KLHL2: variants seen among roughly 807,000 people sequenced by gnomAD.
KLHL2 encodes the protein kelch-like protein 2.
Under a neutral mutation model 75.8 loss-of-function variants are expected in KLHL2, and 15 were observed. The ratio of observed to expected loss-of-function variants is 0.20; its 90% CI spans 0.13 to 0.30. The LOEUF (loss-of-function observed/expected upper bound fraction) is 0.30, where lower values mean the gene tolerates loss of function less well. Ranked by LOEUF, KLHL2 falls within the 10% of genes least tolerant of loss-of-function variation. KLHL2 has a pLI of 1.00. For missense variants in KLHL2, 381 were observed against 741.0 expected (o/e 0.51, Z 5.64); for synonymous variants, 214 against 251.9 (o/e 0.85, Z 1.42).
chr4:165,227,296 G>A (rs538126735), intron 2 of KLHL2, among the ~76,000 whole-genome samples: 2 of 152,304 alleles, frequency 1.3e-5, no homozygotes, highest in African/African-American at 4.8e-5. Flanking sequence ...CTGGGATGCA[G>A]TCATCACTGA....
In KLHL2 at chr4:165,275,929, T is replaced by C. The variant is rs1026475133; in HGVS notation, c.544+12570T>C. On this transcript the variant is annotated intron_variant, in intron 5 of 14. Transcript: ENST00000226725. ...TGAGGCCTGGAGTTTGAGACCAGCC[T>C]GGCCAACATGGTAAAACCAGGTCTC... is the stretch of plus-strand genomic sequence containing the variant. Among the ~76,000 whole-genome samples, 20 of 151,540 alleles carry C rather than the reference T, an allele frequency of 1.3e-4. No individual in the cohort carries two copies. The East Asian group carries it at 3.3e-3, about 25-fold the overall frequency.
intron 3 of KLHL2, among the ~76,000 whole-genome samples, chr4:165,236,439 A>G (rs1207865676): frequency 6.6e-6 from 1 of 151,682 alleles, no homozygotes; most frequent in South Asian, 2.1e-4. Context: ...CTAGTCTTGA[A>G]CTCCTGGGCT....
rs935840012 is a variant in KLHL2 at position 165,319,704 on chromosome 4, C to A, written c.1753+1735C>A. On this transcript the variant is annotated intron_variant, in intron 14 of 14. Coordinates refer to ENST00000226725, the MANE Select transcript of KLHL2 (RefSeq NM_007246.4). This position sits in a 1 kb window ranked among gnomAD's most constrained non-coding sequence, Gnocchi z 4.5. ...CAGCGTGATCTCAGATCACTGCAAC[C>A]TCCGCCTCCCAGATTCAAACGATTC... Among the ~76,000 whole-genome samples, 4 of 152,150 alleles carry A rather than the reference C, an allele frequency of 2.6e-5. No homozygotes were observed.
intron 3 of KLHL2, among the ~76,000 whole-genome samples, chr4:165,233,900 CCAGA>C (rs1351342040): frequency 6.6e-6 from 1 of 152,160 alleles, no homozygotes; most frequent in Non-Finnish European, 1.5e-5. Flanking sequence ...AGGCTGGGCA[CCAGA>C]CATGATTGGA....
chr4:165,304,744 T>C lies in KLHL2; in HGVS notation c.922-864T>C, dbSNP rs558091268. On this transcript the variant is annotated intron_variant, in intron 8 of 14. Coordinates refer to ENST00000226725, the MANE Select transcript of KLHL2 (RefSeq NM_007246.4). ...TGATCAGCAGTAGCAGTTACGTCTA[T>C]ACTAATCACATAATTTTTCGATCAT... Among the ~76,000 whole-genome samples the C allele has an allele frequency of 1.0e-3, 154 of 152,334 alleles. 1 individual carries two copies. The highest frequency in any genetic ancestry group is 1.8e-3 in the Non-Finnish European group (124 of 68,026).
chr4:165,264,751 T>TATATAC (rs1742092938), intron 5 of KLHL2, among the ~76,000 whole-genome samples: 2 of 74,172 alleles, frequency 2.7e-5, no homozygotes, highest in African/African-American at 5.5e-5. Context: ...TATATATATA[T>TATATAC]ATATATATAT....
chr4:165,278,813 G>A (rs747326830), intron 5 of KLHL2: 9 of 1,548,306 alleles, frequency 5.8e-6, no homozygotes, highest in Middle Eastern at 1.7e-4. Context: ...TGTTCCATAC[G>A]TATTTTTGGC....
At chr4:165,303,752 G>C (rs1745523049) in intron 8 of KLHL2, among the ~76,000 whole-genome samples, 1 of 151,898 alleles carries the variant, frequency 6.6e-6, no homozygotes, top group African/African-American at 2.4e-5. Flanking sequence ...TGGTAGAGAC[G>C]GGGTTTCGCC....
intron 3 of KLHL2, among the ~76,000 whole-genome samples, chr4:165,232,686 G>A (rs1275794809): frequency 2.0e-5 from 3 of 152,046 alleles, no homozygotes; most frequent in Non-Finnish European, 1.5e-5. Flanking sequence ...GTTGCACTGA[G>A]CTGAGATCAT....
intron 4 of KLHL2, among the ~76,000 whole-genome samples, chr4:165,260,812 T>G (rs1741604994): frequency 6.6e-6 from 1 of 152,210 alleles, no homozygotes; most frequent in Admixed American, 6.5e-5. Context: ...TGAGATTTTG[T>G]GCATATGTTA....
In KLHL2 at chr4:165,323,020, G is replaced by C. The variant is rs1747087186; in HGVS notation, c.*960G>C. On this transcript the variant is annotated 3_prime_UTR_variant, in exon 15 of 15. Transcript: ENST00000226725. ...ATTTAGCTGCTATTAACAGAAGAGA[G>C]AACTTTCTGTGAGTAGCCATGTGTG... The C allele has an allele frequency of 6.6e-6, 1 of 152,572 alleles. No individual in the cohort carries two copies. The highest frequency in any genetic ancestry group is 2.1e-4 in the South Asian group (1 of 4,824). The allele number at this position is 152,572 out of a possible 1,614,324, so 9.5% of individuals were successfully genotyped here.
chr4:165,314,197 T>G (rs375826490), intron 13 of KLHL2, 31 bp downstream of exon 13: 36 of 1,581,456 alleles, frequency 2.3e-5, no homozygotes, highest in East Asian at 1.8e-4. Context: ...ATAAAACTTA[T>G]GTTGAATTTT....
At position 165,322,355 on chromosome 4, in the gene KLHL2, T is replaced by C. The variant is rs1258364730; in HGVS notation, c.*295T>C. ...TTGCTTTCATAAAGACTAGTTCTTA[T>C]CAACCTTGAATGACTACAGATTATT... On this transcript the variant is annotated 3_prime_UTR_variant, in exon 15 of 15. Coordinates refer to ENST00000226725, the MANE Select transcript of KLHL2 (RefSeq NM_007246.4). The C allele has an allele frequency of 3.3e-6, 1 of 305,464 alleles. No homozygotes were observed. Among genetic ancestry groups the C allele is most frequent in the Non-Finnish European group, 6.0e-6 (1 of 165,944 alleles). The allele number at this position is 305,464 out of a possible 1,614,324, so 18.9% of individuals were successfully genotyped here. A position where few individuals can be genotyped will look rare whatever the true frequency, so the allele number is the denominator to read the frequency against.
chr4:165,288,171 T>G (rs535587223), intron 5 of KLHL2, among the ~76,000 whole-genome samples: 18 of 152,286 alleles, frequency 1.2e-4, no homozygotes, highest in Admixed American at 3.9e-4. Flanking sequence ...TTTGAATTAA[T>G]TTTTGTGTAT....
chr4:165,311,387 C>T (rs1348941268), intron 10 of KLHL2, 77 bp from the exon 11 acceptor site: 13 of 987,686 alleles, frequency 1.3e-5, no homozygotes, highest in East Asian at 1.2e-4. Flanking sequence ...TATAACATAC[C>T]TGAAGTATTT....
rs559103318 is a variant in KLHL2 at position 165,293,681 on chromosome 4, T to C, written c.545-678T>C. ...ACCATGCCTGGCTAATTTTTTTTTT[T>C]TTTTTTTTGTATTTTTAGTAGAGAC... On this transcript the variant is annotated intron_variant, in intron 5 of 14. Transcript: ENST00000226725. Among the ~76,000 whole-genome samples, 4 of 150,396 alleles carry C rather than the reference T, an allele frequency of 2.7e-5. 1 individual carries two copies. In the South Asian group the frequency reaches 6.3e-4, roughly 24 times the overall value.
rs527546801 is a variant in KLHL2, at chr4:165,253,149, C to T, written c.382-10048C>T. Among the ~76,000 whole-genome samples the T allele has an allele frequency of 2.0e-5, 3 of 152,250 alleles. No homozygotes were observed. The South Asian group carries it at 6.2e-4, about 32-fold the overall frequency. On this transcript the variant is annotated intron_variant, in intron 4 of 14. Coordinates refer to ENST00000226725, the MANE Select transcript of KLHL2 (RefSeq NM_007246.4). ...TCCTGGGTTCAGGCGATTCTCTTGC[C>T]CCAGCCTCCTGAGTAGTTGGGATTA...
intron 9 of KLHL2, among the ~76,000 whole-genome samples, chr4:165,309,983 T>C (rs1746023688): frequency 6.6e-6 from 1 of 152,148 alleles, no homozygotes; most frequent in African/African-American, 2.4e-5. Context: ...TGTAAATTGA[T>C]ATTTAAAAAA....
chr4:165,274,319 G>C (rs1387650633), intron 5 of KLHL2, among the ~76,000 whole-genome samples: 2 of 152,140 alleles, frequency 1.3e-5, no homozygotes, highest in Non-Finnish European at 2.9e-5. Context: ...CATAAGAAGA[G>C]CACTCTCGGG....
Sources: gnomAD v4.1 joint callset for allele counts (sites outside exome capture counted in the v4.1 genomes callset) on GRCh38, gnomAD v4.1.1 for gene constraint, Gnocchi (gnomAD v3.1) non-coding constraint, MANE v1.5 for transcripts, NCBI Gene and HGNC (gene_info 2026-07-23, HGNC 2026-07-21) for gene names.